The following EPB41L3 variants were observed in gnomAD, a reference collection of about 807,000 sequenced individuals.
EPB41L3 encodes erythrocyte membrane protein band 4.1 like 3, also known as band 4.1-like protein 3.
Under a neutral mutation model 127.1 loss-of-function variants are expected in EPB41L3, and 57 were observed. The ratio of observed to expected loss-of-function variants is 0.45; its 90% CI spans 0.36 to 0.56. The LOEUF (loss-of-function observed/expected upper bound fraction) is 0.56, where lower values mean the gene tolerates loss of function less well. Among genes scored for constraint, EPB41L3 ranks in the 20% least tolerant of loss-of-function variants. The pLI, the probability that EPB41L3 is intolerant of heterozygous loss-of-function variation, is 0.00. For missense variants in EPB41L3, 1,273 were observed against 1,372.2 expected (o/e 0.93, Z 1.14); for synonymous variants, 572 against 549.5 (o/e 1.04, Z -0.57).
chr18:5,612,590 T>C (rs964730402), intron 2 of EPB41L3, among the ~76,000 whole-genome samples: 2 of 152,202 alleles, frequency 1.3e-5, no homozygotes, highest in African/African-American at 4.8e-5. Context: ...ACTGTATTTG[T>C]ATTGGCCGAA....
intron 3 of EPB41L3, among the ~76,000 whole-genome samples, chr18:5,608,379 C>T (rs941393437): frequency 6.6e-6 from 1 of 152,120 alleles, no homozygotes; most frequent in Non-Finnish European, 1.5e-5. Flanking sequence ...AAACAATCCC[C>T]AAATGAGAAG....
chr18:5,577,057 T>C (rs1351644980), intron 3 of EPB41L3, among the ~76,000 whole-genome samples: 1 of 152,216 alleles, frequency 6.6e-6, no homozygotes, highest in East Asian at 1.9e-4. Flanking sequence ...ATGCTGTAGC[T>C]AGACTTCATC....
chr18:5,426,204 A>G (rs1161208821), intron 9 of EPB41L3, among the ~76,000 whole-genome samples: 4 of 152,088 alleles, frequency 2.6e-5, no homozygotes, highest in Admixed American at 2.6e-4. Flanking sequence ...TAAAATATAT[A>G]CAGTTGATAA....
chr18:5,570,414 G>C (rs1264619934), intron 3 of EPB41L3, among the ~76,000 whole-genome samples: 1 of 152,068 alleles, frequency 6.6e-6, no homozygotes, highest in African/African-American at 2.4e-5. Context: ...GAAAGGTGTT[G>C]CTTTTCATTA....
At position 5,396,422 on chromosome 18, in the gene EPB41L3, C is replaced by A. The variant is rs2073479090; in HGVS notation, c.2842-90G>T. ...TTTCCTCTCTTGGTGGTTATAAGCA[C>A]AGGTTAGTATGCTATAAATGTTTAT... On this transcript the variant is annotated intron_variant, in intron 18 of 22. Coordinates refer to ENST00000341928, the MANE Select transcript of EPB41L3 (RefSeq NM_012307.5). 7 of 1,480,324 alleles carry A rather than the reference C, an allele frequency of 4.7e-6. No individual in the cohort carries two copies. In the South Asian group the frequency reaches 7.1e-5, roughly 15 times the overall value. The allele number at this position is 1,480,324 out of a possible 1,614,324, so 91.7% of individuals were successfully genotyped here.
intron 3 of EPB41L3, among the ~76,000 whole-genome samples, chr18:5,586,065 C>CT (rs1378454581): frequency 6.6e-6 from 1 of 152,178 alleles, no homozygotes; most frequent in Non-Finnish European, 1.5e-5. Flanking sequence ...ATGTCAGTTT[C>CT]TTTTTTCATA....
chr18:5,495,028 G>C (rs1053955150), intron 1 of EPB41L3, among the ~76,000 whole-genome samples: 2 of 152,168 alleles, frequency 1.3e-5, no homozygotes, highest in African/African-American at 4.8e-5. Flanking sequence ...GGCCCTGAAG[G>C]GGCAGCCGGG....
chr18:5,455,530 G>A (rs1385828880), intron 3 of EPB41L3, among the ~76,000 whole-genome samples: 1 of 151,854 alleles, frequency 6.6e-6, no homozygotes, highest in Non-Finnish European at 1.5e-5. Context: ...CCTATGTTTT[G>A]ACTTAGATTC....
intron 3 of EPB41L3, among the ~76,000 whole-genome samples, chr18:5,573,853 C>T (rs1463604132): frequency 6.6e-6 from 1 of 151,644 alleles, no homozygotes; most frequent in Non-Finnish European, 1.5e-5. Flanking sequence ...GAAGAATTAC[C>T]TAACTTCAAT....
chr18:5,420,116 T>A, intron 11 of EPB41L3: 3 of 731,626 alleles, frequency 4.1e-6, no homozygotes, highest in South Asian at 3.9e-5. Flanking sequence ...ATTTCCTATA[T>A]GAGTGCTTTA....
chr18:5,393,392 C>A lies in EPB41L3; in HGVS notation c.*93G>T. 2 of 662,158 alleles carry A rather than the reference C, an allele frequency of 3.0e-6. No homozygotes were observed. The highest frequency in any genetic ancestry group is 1.7e-5 in the South Asian group (1 of 60,286). The allele number at this position is 662,158 out of a possible 1,614,324, so 41.0% of individuals were successfully genotyped here. On this transcript the variant is annotated 3_prime_UTR_variant, in exon 23 of 23. Transcript: ENST00000341928. The stretch of plus-strand genomic sequence containing the variant: ...AAATTTTCCACGGACAGATACAAGT[C>A]AGTTGGGTTAGAAGAGGGAACTCCA...
chr18:5,405,724 G>A (rs540301151), intron 16 of EPB41L3, among the ~76,000 whole-genome samples: 25 of 151,564 alleles, frequency 1.6e-4, no homozygotes, highest in Admixed American at 1.2e-3. Context: ...CCCAGGAGGC[G>A]GAGGTCACAC....
At chr18:5,546,774 T>A (rs1368564315), upstream of EPB41L3, among the ~76,000 whole-genome samples, 1 of 152,174 alleles carries the variant, frequency 6.6e-6, no homozygotes, top group Non-Finnish European at 1.5e-5. Context: ...CCTCAGCAAC[T>A]TGCCTGCATC....
At chr18:5,441,577 T>A (rs1187051558) in intron 5 of EPB41L3, among the ~76,000 whole-genome samples, 1 of 151,818 alleles carries the variant, frequency 6.6e-6, no homozygotes, top group Non-Finnish European at 1.5e-5. Flanking sequence ...GCCATTCTCC[T>A]GCCTCAGCCT....
chr18:5,558,498 T>C (rs144120957), intron 3 of EPB41L3, among the ~76,000 whole-genome samples: 14 of 152,288 alleles, frequency 9.2e-5, no homozygotes, highest in East Asian at 3.9e-4. Context: ...CATTATACTT[T>C]TGTGGAGAGT....
At chr18:5,469,971 C>A (rs567906123) in intron 3 of EPB41L3, among the ~76,000 whole-genome samples, 2 of 151,928 alleles carry the variant, frequency 1.3e-5, no homozygotes, top group African/African-American at 2.4e-5. Flanking sequence ...ATAGAGACAG[C>A]GTTTCACCAT....
intron 3 of EPB41L3, among the ~76,000 whole-genome samples, chr18:5,578,055 G>T (rs17383710): frequency 0.03 from 4,571 of 152,112 alleles, 96 homozygotes; most frequent in Non-Finnish European, 0.045. Context: ...ACTAAGCAAA[G>T]AGGGCCAGTT....
chr18:5,471,856 GC>G (rs1412217093), intron 3 of EPB41L3, among the ~76,000 whole-genome samples: 3 of 152,114 alleles, frequency 2.0e-5, no homozygotes, highest in Non-Finnish European at 4.4e-5. Context: ...ATCCTGTTAG[GC>G]CTTCACACAA....
chr18:5,587,624 C>A (rs572442592), intron 3 of EPB41L3, among the ~76,000 whole-genome samples: 1 of 152,214 alleles, frequency 6.6e-6, no homozygotes, highest in South Asian at 2.1e-4. Flanking sequence ...GTAGCATAGA[C>A]CACAAATAGC....
Sources: allele counts gnomAD v4.1 joint callset (sites outside exome capture counted in the v4.1 genomes callset), GRCh38; gene constraint gnomAD v4.1.1; transcripts MANE v1.5; gene names NCBI Gene and HGNC (gene_info 2026-07-23, HGNC 2026-07-21).